The following SOX5 variants were observed in gnomAD, a reference collection of about 807,000 sequenced individuals.
SOX5 encodes the protein transcription factor SOX-5.
In SOX5, 9 loss-of-function variants were observed where a neutral mutation model predicts 92.0. The observed-to-expected ratio is 0.10, with a 90% CI of 0.06 to 0.17. SOX5 has a LOEUF of 0.17. Among genes scored for constraint, SOX5 ranks in the 10% least tolerant of loss-of-function variants. SOX5 has a pLI of 1.00. For missense variants in SOX5, 642 were observed against 944.5 expected, an observed-to-expected ratio of 0.68 and a Z score of 4.20; for synonymous variants, 344 against 336.3, an observed-to-expected ratio of 1.02 and a Z score of -0.25.
At chr12:24,529,429 G>A (rs1429359301) in intron 1 of SOX5, among the ~76,000 whole-genome samples, 1 of 152,092 alleles carries the variant, frequency 6.6e-6, no homozygotes, top group Non-Finnish European at 1.5e-5. Flanking sequence ...TCAAAATAAT[G>A]AGATATAAAT....
At chr12:23,563,842 AG>A (rs1317525181) in intron 10 of SOX5, among the ~76,000 whole-genome samples, 7 of 152,188 alleles carry the variant, frequency 4.6e-5, no homozygotes, top group African/African-American at 1.7e-4. Flanking sequence ...TCCTAGTATT[AG>A]AAAGGCCACA....
chr12:24,036,191 G>C (rs1242152058), intron 4 of SOX5, among the ~76,000 whole-genome samples: 1 of 152,038 alleles, frequency 6.6e-6, no homozygotes, highest in Admixed American at 6.6e-5. Flanking sequence ...GTGACTTTCA[G>C]TACTAATTTT....
At chr12:24,147,583 T>A (rs142173078) in intron 4 of SOX5, among the ~76,000 whole-genome samples, 1 of 152,144 alleles carries the variant, frequency 6.6e-6, no homozygotes, top group African/African-American at 2.4e-5. Context: ...AAAGCAAGAA[T>A]AAGCACTAAA....
intron 1 of SOX5, among the ~76,000 whole-genome samples, chr12:24,455,132 T>C (rs1942849312): frequency 6.6e-6 from 1 of 152,180 alleles, no homozygotes; most frequent in African/African-American, 2.4e-5. Flanking sequence ...GTAGCCCCCT[T>C]TGTTAGAACA....
chr12:23,675,303 C>T (rs1047814050), intron 6 of SOX5, among the ~76,000 whole-genome samples: 3 of 152,114 alleles, frequency 2.0e-5, no homozygotes, highest in African/African-American at 4.8e-5. Flanking sequence ...TTTTTTCTGG[C>T]CAAGAGACCT....
At chr12:24,193,801 C>T (rs867294212) in intron 4 of SOX5, among the ~76,000 whole-genome samples, 1 of 152,126 alleles carries the variant, frequency 6.6e-6, no homozygotes, top group Non-Finnish European at 1.5e-5. Context: ...TGGAACACTG[C>T]CAACGTTTTC....
At chr12:23,773,955 T>C (rs2095021197) in intron 3 of SOX5, among the ~76,000 whole-genome samples, 2 of 151,728 alleles carry the variant, frequency 1.3e-5, no homozygotes, top group South Asian at 4.2e-4. Flanking sequence ...GGTTTGAATT[T>C]TGGTTCTGTT....
At chr12:24,545,421 G>A (rs1330316075) in intron 1 of SOX5, among the ~76,000 whole-genome samples, 1 of 151,770 alleles carries the variant, frequency 6.6e-6, no homozygotes, top group Non-Finnish European at 1.5e-5. Context: ...TGTGCTTGAG[G>A]AAATGCATTA....
At chr12:24,243,646 T>C (rs971958351) in intron 3 of SOX5, among the ~76,000 whole-genome samples, 1 of 152,188 alleles carries the variant, frequency 6.6e-6, no homozygotes, top group African/African-American at 2.4e-5. Context: ...AATAGTGGTA[T>C]TATAGAATGA....
chr12:24,073,720 C>T (rs752769888), intron 4 of SOX5, among the ~76,000 whole-genome samples: 12 of 152,122 alleles, frequency 7.9e-5, no homozygotes, highest in Non-Finnish European at 1.6e-4. Context: ...AATTTTTCAA[C>T]AATGATTCAA....
chr12:23,785,984 T>C (rs1034020595), intron 3 of SOX5, among the ~76,000 whole-genome samples: 2 of 152,188 alleles, frequency 1.3e-5, no homozygotes, highest in African/African-American at 4.8e-5. Context: ...AAAGTAGAAC[T>C]GTGAAGATTT....
At chr12:24,291,529 T>C (rs1946619786) in intron 2 of SOX5, among the ~76,000 whole-genome samples, 2 of 152,234 alleles carry the variant, frequency 1.3e-5, no homozygotes, top group Non-Finnish European at 2.9e-5. Flanking sequence ...TGAAGAGATG[T>C]AGATAAATCT....
chr12:23,867,617 A>T (rs539674999), intron 2 of SOX5, among the ~76,000 whole-genome samples: 45 of 152,126 alleles, frequency 3.0e-4, no homozygotes, highest in African/African-American at 9.9e-4. Context: ...ACCCCAAATT[A>T]AAAAAATCTA....
intron 3 of SOX5, among the ~76,000 whole-genome samples, chr12:24,255,133 T>C (rs965629893): frequency 6.6e-6 from 1 of 152,122 alleles, no homozygotes; most frequent in Non-Finnish European, 1.5e-5. Context: ...ACTAGCATCT[T>C]CCCCAGTGAA....
At chr12:23,585,544 C>A (rs1251927199) in intron 9 of SOX5, among the ~76,000 whole-genome samples, 1 of 152,086 alleles carries the variant, frequency 6.6e-6, no homozygotes, top group Non-Finnish European at 1.5e-5. Context: ...AATTTAAATG[C>A]AAAACTCACT....
chr12:23,853,917 C>G (rs2096660379), intron 2 of SOX5, among the ~76,000 whole-genome samples: 2 of 152,032 alleles, frequency 1.3e-5, no homozygotes, highest in Admixed American at 6.6e-5. Flanking sequence ...GACTACAAAT[C>G]AAAACATTTT....
At chr12:24,215,601 A>C (rs995193116) in intron 3 of SOX5, among the ~76,000 whole-genome samples, 1 of 152,166 alleles carries the variant, frequency 6.6e-6, no homozygotes, top group East Asian at 1.9e-4. Context: ...AAATTAAAGA[A>C]TATCTAAAAA....
At chr12:24,413,413 A>G (rs1964467757) in intron 1 of SOX5, among the ~76,000 whole-genome samples, 2 of 152,082 alleles carry the variant, frequency 1.3e-5, no homozygotes, top group African/African-American at 4.8e-5. Flanking sequence ...ATATTTTTCC[A>G]TTTTTTTCTT....
chr12:24,110,900 C>CA (rs67100585), intron 4 of SOX5, among the ~76,000 whole-genome samples: 7,479 of 27,426 alleles, frequency 0.27, 2,387 homozygotes, highest in Middle Eastern at 0.39. Flanking sequence ...GACTCCACTT[C>CA]AAAAAAAAAA....
Sources: allele counts gnomAD v4.1 joint callset (sites outside exome capture counted in the v4.1 genomes callset), GRCh38; gene constraint gnomAD v4.1.1; transcripts MANE v1.5; gene names NCBI Gene and HGNC (gene_info 2026-07-23, HGNC 2026-07-21).